URGCP: variants seen among roughly 807,000 people sequenced by gnomAD.
URGCP encodes the protein up-regulator of cell proliferation.
Under a neutral mutation model 24.6 loss-of-function variants are expected in URGCP, and 13 were observed. The ratio of observed to expected loss-of-function variants is 0.53; its 90% CI spans 0.34 to 0.84. The LOEUF (loss-of-function observed/expected upper bound fraction) is 0.84, where lower values mean the gene tolerates loss of function less well. URGCP is among the 40% of genes least tolerant of loss of function. The pLI is 0.01. For missense variants in URGCP, 899 were observed against 1,194.3 expected, an observed-to-expected ratio of 0.75 and a Z score of 3.64; for synonymous variants, 444 against 487.2, an observed-to-expected ratio of 0.91 and a Z score of 1.17.
chr7:43,920,000 G>C (rs1157728930), intron 1 of URGCP: 1 of 1,336,462 alleles, frequency 7.5e-7, no homozygotes. Flanking sequence ...GCAGCTCATG[G>C]ATGAGTACCA....
upstream of URGCP, among the ~76,000 whole-genome samples, chr7:43,908,264 G>T (rs1444014988): frequency 1.3e-5 from 2 of 152,048 alleles, no homozygotes; most frequent in African/African-American, 4.8e-5. Context: ...TTTTAGTAGA[G>T]ACAGGGTTTC....
intron 1 of URGCP, among the ~76,000 whole-genome samples, chr7:43,900,089 G>A (rs908301714): frequency 4.6e-5 from 7 of 152,018 alleles, no homozygotes; most frequent in Non-Finnish European, 7.4e-5. Context: ...AGGCTGCAGC[G>A]AGCCATGTTG....
intron 5 of URGCP, among the ~76,000 whole-genome samples, chr7:43,880,499 G>A (rs2095852222): frequency 6.6e-6 from 1 of 152,192 alleles, no homozygotes; most frequent in Admixed American, 6.5e-5. Context: ...CTGGAAGGCA[G>A]TGGTGTGATC....
intron 1 of URGCP, among the ~76,000 whole-genome samples, chr7:43,920,968 G>C (rs2095921736): frequency 6.6e-6 from 1 of 152,160 alleles, no homozygotes; most frequent in Admixed American, 6.6e-5. Flanking sequence ...AGAAAATCTT[G>C]TAACTACTGG....
chr7:43,926,657 G>C (rs1461990228), upstream of URGCP: 61 of 1,292,560 alleles, frequency 4.7e-5, no homozygotes, highest in Non-Finnish European at 6.1e-5. Context: ...GGCTCCGCGA[G>C]TCGCGGATAC....
At chr7:43,902,451 G>T (rs2095892973) in intron 1 of URGCP, among the ~76,000 whole-genome samples, 1 of 152,138 alleles carries the variant, frequency 6.6e-6, no homozygotes, top group South Asian at 2.1e-4. Flanking sequence ...CCCTTCTAGG[G>T]CAGGTCTTAC....
chr7:43,920,410 A>C (rs2095920964), intron 1 of URGCP, among the ~76,000 whole-genome samples: 1 of 152,100 alleles, frequency 6.6e-6, no homozygotes, highest in Non-Finnish European at 1.5e-5. Context: ...AAATACAAAA[A>C]AAATTAGCTG....
chr7:43,919,936 T>C, intron 1 of URGCP: 1 of 1,331,834 alleles, frequency 7.5e-7, no homozygotes, highest in Non-Finnish European at 1.1e-6. Context: ...AAGGAGGACA[T>C]GTTCAAGGAC....
At chr7:43,904,125 A>C (rs1260940674) in intron 1 of URGCP, among the ~76,000 whole-genome samples, 1 of 152,198 alleles carries the variant, frequency 6.6e-6, no homozygotes, top group Non-Finnish European at 1.5e-5. Flanking sequence ...AGTTTCATTT[A>C]CCTTCAGCGA....
intron 1 of URGCP, among the ~76,000 whole-genome samples, chr7:43,924,768 T>C (rs1020308196): frequency 1.3e-5 from 2 of 152,108 alleles, no homozygotes; most frequent in African/African-American, 2.4e-5. Flanking sequence ...AGCTGGAGGA[T>C]ACTTTGAGTT....
At chr7:43,881,109 C>G in intron 5 of URGCP, 1 of 687,418 alleles carries the variant, frequency 1.5e-6, no homozygotes, top group Non-Finnish European at 2.6e-6. Context: ...CTAGCTTTGC[C>G]TGAATGAAAC....
intron 1 of URGCP, among the ~76,000 whole-genome samples, chr7:43,903,494 T>A (rs1379581511): frequency 6.6e-6 from 1 of 152,206 alleles, no homozygotes; most frequent in South Asian, 2.1e-4. Context: ...TTATACTTGA[T>A]CTTTATTTAT....
At chr7:43,925,217 G>A (rs984317953) in intron 1 of URGCP, among the ~76,000 whole-genome samples, 4 of 152,132 alleles carry the variant, frequency 2.6e-5, no homozygotes, top group South Asian at 2.1e-4. Flanking sequence ...GAATGGGAGC[G>A]TGAAAGCCAG....
chr7:43,914,560 C>T (rs1455181872), intron 1 of URGCP, among the ~76,000 whole-genome samples: 4 of 136,940 alleles, frequency 2.9e-5, no homozygotes, highest in Admixed American at 7.1e-5. Context: ...TCTCTGAGTT[C>T]ATCTCACTTG....
Position 43,902,847 on chromosome 7 carries a change from G to A in URGCP, c.14+3715C>T, listed in dbSNP as rs1270708034. Among the ~76,000 whole-genome samples the A allele has an allele frequency of 2.6e-5, 4 of 152,132 alleles. No homozygotes were observed. The East Asian group carries it at 7.7e-4, about 29-fold the overall frequency. ...CAGGAAGAACAAAAAACAAAAGCAG[G>A]CCCTCTGCTCAAGCAGTCCAAGTCT... On this transcript the variant is annotated intron_variant, in intron 1 of 5. Coordinates refer to ENST00000453200, the MANE Select transcript of URGCP (RefSeq NM_001077663.3).
At chr7:43,919,906 C>G in intron 1 of URGCP, 2 of 1,308,798 alleles carry the variant, frequency 1.5e-6, no homozygotes, top group Non-Finnish European at 2.2e-6. Flanking sequence ...AAGTGGGAGG[C>G]CTTCCTGGAG....
intron 1 of URGCP, among the ~76,000 whole-genome samples, chr7:43,917,823 G>A (rs528306909): frequency 6.6e-6 from 1 of 151,974 alleles, no homozygotes; most frequent in Non-Finnish European, 1.5e-5. Flanking sequence ...ATAAAAAATT[G>A]GCTGGGCATG....
intron 2 of URGCP, 135 bp from the exon 3 acceptor site, chr7:43,887,620 ACCAGAATCTCTGGGAGCTGGT>A: frequency 6.8e-7 from 1 of 1,474,258 alleles, no homozygotes; most frequent in African/African-American, 1.4e-5. Context: ...GATCCATGAA[ACCAGAATCTCTGGGAGCTGGT>A]CCTGGGTATC....
Position 43,881,669 on chromosome 7 carries a change from A to G in URGCP, c.192T>C (p.Asp64=). Residue 64 remains aspartate, a synonymous_variant, in exon 5 of 6, where the codon GAT becomes GAC. Coordinates refer to ENST00000453200, the MANE Select transcript of URGCP (RefSeq NM_001077663.3). ...GDGTNEAQDN[D]FPTVERSRLQ... ...AGAGAAAATGCTTACCTGTTGGAAA[A>G]TCATTGTCCTGAGCCTCATTTGTAC... 1 of 1,614,048 alleles carries G rather than the reference A, an allele frequency of 6.2e-7. No homozygotes were observed. The highest frequency in any genetic ancestry group is 2.2e-5 in the East Asian group (1 of 44,888).
Sources: gnomAD v4.1 joint callset for allele counts (sites outside exome capture counted in the v4.1 genomes callset) on GRCh38, gnomAD v4.1.1 for gene constraint, MANE v1.5 for transcripts, NCBI Gene and HGNC (gene_info 2026-07-23, HGNC 2026-07-21) for gene names.